CADM2: variants seen among roughly 807,000 people sequenced by gnomAD.
The protein encoded by CADM2 is immunoglobulin superfamily member 4D.
In CADM2, 12 loss-of-function variants were observed where a neutral mutation model predicts 49.8. The ratio of observed to expected loss-of-function variants is 0.24; its 90% CI spans 0.15 to 0.39. CADM2 has a LOEUF of 0.39. Ranked by LOEUF, CADM2 falls within the 10% of genes least tolerant of loss-of-function variation. The probability of loss-of-function intolerance (pLI) is 1.00; values close to 1 mark genes in which losing one functional copy is unlikely to be tolerated. For missense variants in CADM2, 378 were observed against 492.3 expected (o/e 0.77, Z 2.20); for synonymous variants, 214 against 175.4 (o/e 1.22, Z -1.74).
intron 8 of CADM2, among the ~76,000 whole-genome samples, chr3:86,045,247 A>C (rs59642107): frequency 0.066 from 9,978 of 152,102 alleles, 869 homozygotes; most frequent in African/African-American, 0.2. Context: ...ATATAGGTAC[A>C]GCAAATGTAC....
chr3:85,694,779 A>G (rs1313731608), intron 1 of CADM2, among the ~76,000 whole-genome samples: 1 of 152,098 alleles, frequency 6.6e-6, no homozygotes, highest in Non-Finnish European at 1.5e-5. Flanking sequence ...TCGTTTCCAT[A>G]GTTATTTCAA....
intron 1 of CADM2, among the ~76,000 whole-genome samples, chr3:85,203,277 A>G (rs1489886627): frequency 6.6e-6 from 1 of 152,148 alleles, no homozygotes; most frequent in African/African-American, 2.4e-5. Flanking sequence ...AAAGTGAAAT[A>G]TTTACAAATC....
chr3:85,952,364 C>A (rs536025743), intron 7 of CADM2, among the ~76,000 whole-genome samples: 24 of 150,788 alleles, frequency 1.6e-4, no homozygotes, highest in African/African-American at 5.6e-4. Flanking sequence ...ATGATGTGCT[C>A]TTTTGTTTTC....
intron 1 of CADM2, among the ~76,000 whole-genome samples, chr3:85,401,869 A>C (rs1277372427): frequency 6.6e-6 from 1 of 152,116 alleles, no homozygotes; most frequent in East Asian, 1.9e-4. Context: ...AACACAGAAC[A>C]GTCACAACCA....
chr3:85,473,429 G>A (rs2038850941), intron 1 of CADM2, among the ~76,000 whole-genome samples: 1 of 152,010 alleles, frequency 6.6e-6, no homozygotes, highest in Admixed American at 6.6e-5. Flanking sequence ...CACTGCACCA[G>A]TCTTTTAATT....
intron 1 of CADM2, among the ~76,000 whole-genome samples, chr3:85,566,466 G>A (rs2062259877): frequency 1.3e-5 from 2 of 152,074 alleles, no homozygotes; most frequent in South Asian, 4.1e-4. Flanking sequence ...CTTCAAATAA[G>A]ATGCCTTGTT....
At chr3:85,000,148 C>CTCTCTCTCTCTCTCT (rs11275888) in intron 1 of CADM2, among the ~76,000 whole-genome samples, 25 of 151,016 alleles carry the variant, frequency 1.7e-4, no homozygotes, top group Admixed American at 1.0e-3. Flanking sequence ...CTCTCTCTCT[C>CTCTCTCTCTCTCTCT]CCTGCCCCAG....
chr3:85,815,398 T>G (rs1171122420), intron 3 of CADM2, among the ~76,000 whole-genome samples: 2 of 152,148 alleles, frequency 1.3e-5, no homozygotes, highest in African/African-American at 4.8e-5. Context: ...TTATCCACCA[T>G]GATCAAGTCG....
intron 1 of CADM2, among the ~76,000 whole-genome samples, chr3:85,276,025 A>G (rs1424878081): frequency 4.0e-5 from 6 of 151,416 alleles, no homozygotes; most frequent in Non-Finnish European, 7.4e-5. Flanking sequence ...GTCAAAGCAG[A>G]TCACTATTTT....
chr3:85,131,346 T>A (rs956705380), intron 1 of CADM2, among the ~76,000 whole-genome samples: 1 of 152,216 alleles, frequency 6.6e-6, no homozygotes, highest in Admixed American at 6.5e-5. Flanking sequence ...AATATGTAAG[T>A]TATCTCTATA....
chr3:85,331,685 A>T (rs2044932507), intron 1 of CADM2, among the ~76,000 whole-genome samples: 2 of 152,014 alleles, frequency 1.3e-5, no homozygotes, highest in South Asian at 4.1e-4. Flanking sequence ...ATATTATTTG[A>T]GGAACCTCCA....
chr3:85,647,954 C>G (rs991186351), intron 1 of CADM2, among the ~76,000 whole-genome samples: 1 of 151,822 alleles, frequency 6.6e-6, no homozygotes, highest in African/African-American at 2.4e-5. Flanking sequence ...TTCCATGTAT[C>G]CCATCTATGT....
chr3:85,979,256 A>G, intron 8 of CADM2: 1 of 1,610,594 alleles, frequency 6.2e-7, no homozygotes, highest in Non-Finnish European at 8.5e-7. Context: ...CAGCCCAACC[A>G]CATCTGCAAC....
intron 5 of CADM2, among the ~76,000 whole-genome samples, chr3:85,909,051 T>G: frequency 6.6e-6 from 1 of 152,140 alleles, no homozygotes; most frequent in East Asian, 1.9e-4. Flanking sequence ...AGGGAAAATT[T>G]ACATACATTG....
At chr3:85,438,248 A>C (rs1306766918) in intron 1 of CADM2, among the ~76,000 whole-genome samples, 1 of 152,104 alleles carries the variant, frequency 6.6e-6, no homozygotes, top group Non-Finnish European at 1.5e-5. Flanking sequence ...TTTTTAAGAC[A>C]TTCAATTGGT....
At chr3:85,056,056 C>T (rs151095644) in intron 1 of CADM2, among the ~76,000 whole-genome samples, 121 of 152,168 alleles carry the variant, frequency 8.0e-4, no homozygotes, top group Admixed American at 2.0e-3. Context: ...TGAACAGTAG[C>T]ATTTTTATTC....
At chr3:85,843,900 G>A (rs1214188342) in intron 3 of CADM2, among the ~76,000 whole-genome samples, 2 of 151,818 alleles carry the variant, frequency 1.3e-5, no homozygotes, top group East Asian at 1.9e-4. Flanking sequence ...GTGTGTGTGG[G>A]GGGGGAGCGG....
intron 1 of CADM2, among the ~76,000 whole-genome samples, chr3:85,508,719 C>T (rs1687090061): frequency 6.6e-6 from 1 of 151,918 alleles, no homozygotes; most frequent in Non-Finnish European, 1.5e-5. Context: ...AATGAATAAG[C>T]CCAGTAGTTT....
At chr3:85,332,069 T>C (rs1229987529) in intron 1 of CADM2, among the ~76,000 whole-genome samples, 2 of 152,046 alleles carry the variant, frequency 1.3e-5, no homozygotes, top group Non-Finnish European at 2.9e-5. Context: ...AAGGGATCAA[T>C]TGAAAATAAA....
Sources: allele counts gnomAD v4.1 joint callset (sites outside exome capture counted in the v4.1 genomes callset), GRCh38; gene constraint gnomAD v4.1.1; transcripts MANE v1.5; gene names NCBI Gene and HGNC (gene_info 2026-07-23, HGNC 2026-07-21).